Variants in PPIP5K2 observed in about 807,000 individuals in gnomAD.
The protein encoded by PPIP5K2 is inositol hexakisphosphate and diphosphoinositol-pentakisphosphate kinase 2.
Under a neutral mutation model 154.6 loss-of-function variants are expected in PPIP5K2, and 105 were observed. That is an observed-to-expected ratio of 0.68 (90% CI 0.58 to 0.80). The LOEUF (loss-of-function observed/expected upper bound fraction) is 0.80, where lower values mean the gene tolerates loss of function less well. Ranked by LOEUF, PPIP5K2 falls within the 30% of genes least tolerant of loss-of-function variation. The pLI is 0.00. For missense variants in PPIP5K2, 992 were observed against 1,504.6 expected (o/e 0.66, Z 5.64); for synonymous variants, 480 against 490.3 (o/e 0.98, Z 0.28).
At position 103,168,269 on chromosome 5, in the gene PPIP5K2, G is replaced by T. The variant is rs1554218587; in HGVS notation, c.2260G>T (p.Ala754Ser). ...NTMELYRLSK[A>S]LADIVIPQEY... Reference sequence around the variant, plus strand: ...AATGGAATTATATAGGCTTTCGAAGGCATTAGCAGATATTGTTATCCCTCA... The same window carrying T: ...AATGGAATTATATAGGCTTTCGAAGTCATTAGCAGATATTGTTATCCCTCA... Residue 754 changes from alanine to serine, a missense_variant, in exon 19 of 31, where the codon GCA becomes TCA. By Grantham distance (99) the Ala-to-Ser change is moderately conservative. Transcript: ENST00000358359. 2 of 1,605,116 alleles carry T rather than the reference G, an allele frequency of 1.2e-6. No homozygotes were observed. The highest frequency in any genetic ancestry group is 3.4e-5 in the Admixed American group (2 of 59,480).
chr5:103,148,981 C>T (rs1376445174), intron 7 of PPIP5K2, among the ~76,000 whole-genome samples, 171 bp from the exon 8 acceptor site: 1 of 152,044 alleles, frequency 6.6e-6, no homozygotes, highest in East Asian at 1.9e-4. Context: ...TTACTTACAA[C>T]CTTTCCCAAT....
chr5:103,160,128 C>T (rs975149958), intron 17 of PPIP5K2, among the ~76,000 whole-genome samples: 1 of 152,106 alleles, frequency 6.6e-6, no homozygotes, highest in Non-Finnish European at 1.5e-5. Context: ...GATGATGATA[C>T]TTCATCTTGT....
At chr5:103,193,356 T>C (rs1426884371) in intron 29 of PPIP5K2, among the ~76,000 whole-genome samples, 2 of 152,070 alleles carry the variant, frequency 1.3e-5, no homozygotes, top group African/African-American at 2.4e-5. Flanking sequence ...TAGTATCATA[T>C]ACATACAATT....
At chr5:103,139,647 C>A (rs1418110229) in intron 5 of PPIP5K2, among the ~76,000 whole-genome samples, 1 of 152,142 alleles carries the variant, frequency 6.6e-6, no homozygotes, top group African/African-American at 2.4e-5. Context: ...GCATCAAGAA[C>A]ATCCAGAAAA....
intron 28 of PPIP5K2, among the ~76,000 whole-genome samples, chr5:103,189,549 A>T (rs1307959208): frequency 6.6e-6 from 1 of 152,104 alleles, no homozygotes; most frequent in East Asian, 1.9e-4. Flanking sequence ...GTGCAAGCCT[A>T]ATTTCTTTAG....
chr5:103,170,436 G>A (rs920855611), intron 19 of PPIP5K2, among the ~76,000 whole-genome samples: 3 of 151,264 alleles, frequency 2.0e-5, no homozygotes, highest in East Asian at 1.9e-4. Context: ...TATTTTTCTC[G>A]GATAAGTTAT....
intron 14 of PPIP5K2, among the ~76,000 whole-genome samples, chr5:103,157,297 C>G (rs376389492): frequency 4.0e-5 from 6 of 151,862 alleles, no homozygotes; most frequent in African/African-American, 1.5e-4. Flanking sequence ...TTTCTTTGTT[C>G]AAGAAAATAC....
intron 5 of PPIP5K2, among the ~76,000 whole-genome samples, chr5:103,140,459 T>G (rs1792371008): frequency 6.6e-6 from 1 of 152,212 alleles, no homozygotes; most frequent in African/African-American, 2.4e-5. Flanking sequence ...GCAGCTGACA[T>G]CTAAGCAGAA....
At chr5:103,188,164 C>G (rs1355268394) in intron 28 of PPIP5K2, among the ~76,000 whole-genome samples, 1 of 152,114 alleles carries the variant, frequency 6.6e-6, no homozygotes, top group Non-Finnish European at 1.5e-5. Flanking sequence ...ATTACAACTT[C>G]TAACATAGAG....
chr5:103,139,313 T>C (rs1792141614), intron 5 of PPIP5K2, among the ~76,000 whole-genome samples: 1 of 152,140 alleles, frequency 6.6e-6, no homozygotes, highest in African/African-American at 2.4e-5. Context: ...TGGCCAAATA[T>C]ACCCTCCAGT....
chr5:103,173,312 C>G (rs1554220023), intron 20 of PPIP5K2, 30 bp downstream of exon 20: 1 of 1,584,912 alleles, frequency 6.3e-7, no homozygotes, highest in Non-Finnish European at 8.6e-7. Flanking sequence ...ATTTAAATCT[C>G]TAGGCATCTA....
chr5:103,197,468 T>G (rs1554228881), intron 30 of PPIP5K2, among the ~76,000 whole-genome samples: 2 of 151,994 alleles, frequency 1.3e-5, no homozygotes. Context: ...TACTTTTTTT[T>G]TGTGATCATT....
rs154290 is a variant in PPIP5K2, at chr5:103,201,499, T to G, written c.3620-23T>G. ...GTGTAAATTTAAGCAATAGTTTTTT[T>G]TTTTTGTTTTTGTTTTATGTAGCTA... is the stretch of plus-strand genomic sequence containing the variant. On this transcript the variant is annotated intron_variant, in intron 30 of 30. Coordinates refer to ENST00000358359, the MANE Select transcript of PPIP5K2 (RefSeq NM_001276277.3). 663,801 of 1,381,878 alleles carry G rather than the reference T, an allele frequency of 0.48. 170,907 individuals are homozygous for G. Among genetic ancestry groups the G allele is most frequent in the East Asian group, 0.59 (24,733 of 42,198 alleles). The allele number at this position is 1,381,878 out of a possible 1,614,324, so 85.6% of individuals were successfully genotyped here. A position where few individuals can be genotyped will look rare whatever the true frequency, so the allele number is the denominator to read the frequency against.
chr5:103,179,804 A>G (rs778665280), intron 23 of PPIP5K2, among the ~76,000 whole-genome samples: 7 of 152,028 alleles, frequency 4.6e-5, no homozygotes, highest in Non-Finnish European at 7.4e-5. Flanking sequence ...TTCTCCATAG[A>G]GTATATGTAT....
Position 103,177,792 on chromosome 5 carries a change from T to C in PPIP5K2, c.2637+18T>C. 6.3e-7 allele frequency: 1 copy of C among 1,598,226 alleles called. No homozygotes were observed. The highest frequency in any genetic ancestry group is 8.6e-7 in the Non-Finnish European group (1 of 1,167,242). On this transcript the variant is annotated intron_variant, in intron 22 of 30. Transcript: ENST00000358359. ...CTAATAAGGTAAACAGAGCTCTTGA[T>C]TTGTGTTTTACCAGACATAAATAAA...
rs1790975479 is a variant in PPIP5K2 at position 103,133,461 on chromosome 5, A to G, written c.123A>G (p.Glu41=). ...DDEEEDDSPP[E]RQIVVGICSM... ...TTTCATTTTTGTTTTAGCCACCAGA[A>G]AGGCAGATTGTGGTTGGAATATGTT... is the stretch of plus-strand genomic sequence containing the variant. The change falls in exon 3 of 31, where the codon GAA becomes GAG. Residue 41 remains glutamate, a synonymous_variant. Transcript: ENST00000358359. The G allele has an allele frequency of 6.2e-7, 1 of 1,602,978 alleles. No homozygotes were observed.
rs1258112157 is a variant in PPIP5K2 at position 103,208,205 on chromosome 5, C to T, written c.*6571C>T. On this transcript the variant is annotated 3_prime_UTR_variant, in exon 31 of 31. Coordinates refer to ENST00000358359, the MANE Select transcript of PPIP5K2 (RefSeq NM_001276277.3). Reference sequence around the variant, plus strand: ...TTCCAGTTTCAAATGATTCTCCTCCCTCAGCCTCCAGAGTAGCTGGGATTA... The same window carrying T: ...TTCCAGTTTCAAATGATTCTCCTCCTTCAGCCTCCAGAGTAGCTGGGATTA... 2 of 152,282 alleles carry T rather than the reference C, an allele frequency of 1.3e-5. No individual in the cohort carries two copies. Among genetic ancestry groups the T allele is most frequent in the African/African-American group, 4.8e-5 (2 of 41,370 alleles). The allele number at this position is 152,282 out of a possible 1,614,324, so 9.4% of individuals were successfully genotyped here.
chr5:103,152,807 G>A, intron 10 of PPIP5K2, 58 bp downstream of exon 10: 7 of 1,168,688 alleles, frequency 6.0e-6, no homozygotes, highest in Non-Finnish European at 7.5e-6. Flanking sequence ...TGTGCTATTA[G>A]GATAAAAATT....
chr5:103,187,889 G>T (rs1391416079), intron 28 of PPIP5K2, among the ~76,000 whole-genome samples: 1 of 152,042 alleles, frequency 6.6e-6, no homozygotes, highest in Admixed American at 6.6e-5. Flanking sequence ...TCTGTTCCTG[G>T]CTATTTTTCT....
Sources: allele counts gnomAD v4.1 joint callset (sites outside exome capture counted in the v4.1 genomes callset), GRCh38; gene constraint gnomAD v4.1.1; transcripts MANE v1.5; gene names NCBI Gene and HGNC (gene_info 2026-07-23, HGNC 2026-07-21).